ADK: variants seen among roughly 807,000 people sequenced by gnomAD.
The protein encoded by ADK is N6,N6-dimethyladenosine kinase.
Under a neutral mutation model 44.7 loss-of-function variants are expected in ADK, and 24 were observed. That is an observed-to-expected ratio of 0.54 (90% CI 0.39 to 0.76). The LOEUF is 0.76. ADK is among the 30% of genes least tolerant of loss of function. ADK has a pLI of 0.00. For missense variants in ADK, 321 were observed against 425.1 expected (o/e 0.76, Z 2.15); for synonymous variants, 128 against 142.6 (o/e 0.90, Z 0.73).
chr10:74,474,938 C>T (rs182549674), intron 6 of ADK, among the ~76,000 whole-genome samples: 1 of 152,030 alleles, frequency 6.6e-6, no homozygotes, highest in Non-Finnish European at 1.5e-5. Context: ...CCATTCTGAC[C>T]AACATGGTGA....
chr10:74,442,549 G>A (rs1179240860), intron 6 of ADK, among the ~76,000 whole-genome samples: 2 of 152,162 alleles, frequency 1.3e-5, no homozygotes, highest in Non-Finnish European at 1.5e-5. Context: ...GGGAAGCTGC[G>A]GCAGGAGAAT....
chr10:74,340,590 G>GTA (rs1841551170), intron 4 of ADK, among the ~76,000 whole-genome samples: 1 of 152,072 alleles, frequency 6.6e-6, no homozygotes, highest in Non-Finnish European at 1.5e-5. Context: ...ATATTTCAGT[G>GTA]TATATATATT....
At chr10:74,698,703 T>A (rs1856296151) in intron 10 of ADK, among the ~76,000 whole-genome samples, 1 of 151,998 alleles carries the variant, frequency 6.6e-6, no homozygotes, top group South Asian at 2.1e-4. Flanking sequence ...ACTACATGTA[T>A]GTACCACCAC....
chr10:74,556,511 A>G (rs1394920481), intron 7 of ADK, among the ~76,000 whole-genome samples: 1 of 152,070 alleles, frequency 6.6e-6, no homozygotes, highest in Non-Finnish European at 1.5e-5. Flanking sequence ...ACCACCAGGG[A>G]CTCTGCTGTT....
In ADK at chr10:74,409,798, T is replaced by C. The variant is rs1323617787; in HGVS notation, c.555+11219T>C. 2.0e-5 allele frequency among the ~76,000 whole-genome samples: 3 copies of C among 152,266 alleles called. No individual in the cohort carries two copies. In the East Asian group the frequency reaches 5.8e-4, roughly 29 times the overall value. On this transcript the variant is annotated intron_variant, in intron 6 of 10. Transcript: ENST00000539909. ...CAGCCTTGGTGGTAAGCAATAGAAT[T>C]CATACTTACAAAGAAACAGAAGTAT...
intron 1 of ADK, among the ~76,000 whole-genome samples, chr10:74,152,678 T>C (rs1171573364): frequency 6.6e-6 from 1 of 152,246 alleles, no homozygotes; most frequent in African/African-American, 2.4e-5. Context: ...ATTTATTATC[T>C]TGTTGGACAG....
chr10:74,211,871 C>A (rs945785371), intron 2 of ADK, among the ~76,000 whole-genome samples: 32 of 151,808 alleles, frequency 2.1e-4, no homozygotes, highest in African/African-American at 6.5e-4. Flanking sequence ...AAGGTATCTT[C>A]AAAAAAAGTT....
intron 4 of ADK, among the ~76,000 whole-genome samples, chr10:74,366,345 G>C (rs1454792203): frequency 1.3e-5 from 2 of 152,124 alleles, no homozygotes; most frequent in African/African-American, 4.8e-5. Context: ...ATTAATAAAA[G>C]GGTGTCATTT....
At chr10:74,609,137 C>A (rs552330907) in intron 9 of ADK, among the ~76,000 whole-genome samples, 33 of 152,290 alleles carry the variant, frequency 2.2e-4, no homozygotes, top group African/African-American at 7.7e-4. Context: ...GTGCTGGCAG[C>A]GAGAATTTCA....
Position 74,533,965 on chromosome 10 carries a change from T to A in ADK, c.726+8539T>A, listed in dbSNP as rs1849372373. On this transcript the variant is annotated intron_variant, in intron 7 of 10. Coordinates refer to ENST00000539909, the MANE Select transcript of ADK (RefSeq NM_006721.4). ...AACTATAAAAGAATTGTACTATTGATAAGAAATGAACCAACAGCATAGAAG... is the reference window on the plus strand; with the variant it reads ...AACTATAAAAGAATTGTACTATTGAAAAGAAATGAACCAACAGCATAGAAG... Among the ~76,000 whole-genome samples the A allele has an allele frequency of 3.3e-5, 5 of 152,310 alleles. 1 individual carries two copies. The South Asian group carries it at 1.0e-3, about 32-fold the overall frequency.
At chr10:74,694,507 G>T (rs1228147324) in intron 10 of ADK, among the ~76,000 whole-genome samples, 1 of 152,074 alleles carries the variant, frequency 6.6e-6, no homozygotes, top group Non-Finnish European at 1.5e-5. Flanking sequence ...TTGAGACAGG[G>T]TCTCCCTCTG....
intron 4 of ADK, among the ~76,000 whole-genome samples, chr10:74,381,010 G>A (rs185452314): frequency 1.1e-3 from 166 of 152,138 alleles, no homozygotes; most frequent in African/African-American, 3.9e-3. Context: ...TTAAGAAAGG[G>A]CTCTGTTACC....
At chr10:74,661,035 GAA>G (rs550093345) in intron 9 of ADK, among the ~76,000 whole-genome samples, 1 of 144,346 alleles carries the variant, frequency 6.9e-6, no homozygotes, top group Non-Finnish European at 1.5e-5. Context: ...CTGTCTCAAA[GAA>G]AAAAAAAAGG....
At chr10:74,705,771 A>G (rs1856582396) in intron 10 of ADK, among the ~76,000 whole-genome samples, 1 of 152,216 alleles carries the variant, frequency 6.6e-6, no homozygotes, top group Non-Finnish European at 1.5e-5. Context: ...TGAGAGTTCC[A>G]GTTGATCACA....
At chr10:74,497,880 CCTTTT>C (rs1172140864) in intron 6 of ADK, among the ~76,000 whole-genome samples, 1 of 151,010 alleles carries the variant, frequency 6.6e-6, no homozygotes, top group Non-Finnish European at 1.5e-5. Flanking sequence ...TTGAGGAAGA[CCTTTT>C]CTTTTTTTTT....
At chr10:74,545,973 T>C (rs1343454940) in intron 7 of ADK, among the ~76,000 whole-genome samples, 1 of 152,192 alleles carries the variant, frequency 6.6e-6, no homozygotes, top group East Asian at 1.9e-4. Context: ...CAGGTTTTCT[T>C]TCTCTTAGCA....
Position 74,697,033 on chromosome 10 carries a change from T to A in ADK, c.965-11288T>A, listed in dbSNP as rs190737345. Among the ~76,000 whole-genome samples, 730 of 152,298 alleles carry A rather than the reference T, an allele frequency of 4.8e-3. 1 individual carries two copies. The highest frequency in any genetic ancestry group is 0.014 in the Middle Eastern group (4 of 294). On this transcript the variant is annotated intron_variant, in intron 10 of 10. Transcript: ENST00000539909. ...CTACCTAGATGTATAATAATTTAAATTTAGTGTAAAATGAGATTTTTTACA... is the reference window on the plus strand; with the variant it reads ...CTACCTAGATGTATAATAATTTAAAATTAGTGTAAAATGAGATTTTTTACA...
At chr10:74,636,884 G>A (rs768048557) in intron 9 of ADK, among the ~76,000 whole-genome samples, 3 of 152,218 alleles carry the variant, frequency 2.0e-5, no homozygotes, top group Non-Finnish European at 2.9e-5. Context: ...GCAAAGAAGA[G>A]TAGAGCATGG....
chr10:74,247,210 T>A (rs1487502519), intron 3 of ADK, among the ~76,000 whole-genome samples: 1 of 144,584 alleles, frequency 6.9e-6, no homozygotes, highest in African/African-American at 2.5e-5. Flanking sequence ...TTTTTTTGAT[T>A]TTTTTTTTTT....
Sources: gnomAD v4.1 joint callset for allele counts (sites outside exome capture counted in the v4.1 genomes callset) on GRCh38, gnomAD v4.1.1 for gene constraint, MANE v1.5 for transcripts, NCBI Gene and HGNC (gene_info 2026-07-23, HGNC 2026-07-21) for gene names.